Variants in PIK3C3 observed in about 807,000 individuals in gnomAD.
The protein encoded by PIK3C3 is phosphatidylinositol 3-kinase catalytic subunit type 3, also known as PI3-kinase type 3.
Under a neutral mutation model 126.1 loss-of-function variants are expected in PIK3C3, and 95 were observed. That is an observed-to-expected ratio of 0.75 (90% CI 0.64 to 0.89). The LOEUF (loss-of-function observed/expected upper bound fraction) is 0.89, where lower values mean the gene tolerates loss of function less well. PIK3C3 is among the 40% of genes least tolerant of loss of function. PIK3C3 has a pLI of 0.00. For missense variants in PIK3C3, 829 were observed against 1,063.2 expected (o/e 0.78, Z 3.06); for synonymous variants, 374 against 360.0 (o/e 1.04, Z -0.44).
chr18:42,039,199 A>G (rs1024989789), intron 18 of PIK3C3, among the ~76,000 whole-genome samples: 43 of 152,116 alleles, frequency 2.8e-4, no homozygotes, highest in African/African-American at 1.0e-3. Flanking sequence ...AAGATTCCCT[A>G]GGAATGCTTG....
intron 4 of PIK3C3, among the ~76,000 whole-genome samples, chr18:41,973,429 C>G (rs1980765422): frequency 6.6e-6 from 1 of 152,032 alleles, no homozygotes; most frequent in African/African-American, 2.4e-5. Flanking sequence ...AATTTACTCT[C>G]TTACTCTTTA....
At chr18:42,049,753 C>G in intron 21 of PIK3C3, 148 bp downstream of exon 21, 1 of 570,160 alleles carries the variant, frequency 1.8e-6, no homozygotes, top group East Asian at 3.2e-5. Flanking sequence ...GCGGGTGGAT[C>G]ACCTGAGGTT....
At chr18:41,976,345 A>G (rs367620029) in intron 4 of PIK3C3, among the ~76,000 whole-genome samples, 41 of 150,436 alleles carry the variant, frequency 2.7e-4, no homozygotes, top group African/African-American at 1.0e-3. Context: ...TCAAAGGCAC[A>G]CTTCTAAATG....
intron 21 of PIK3C3, among the ~76,000 whole-genome samples, chr18:42,055,270 G>A (rs1234123195): frequency 2.7e-4 from 41 of 151,960 alleles, no homozygotes; most frequent in Admixed American, 2.6e-3. Flanking sequence ...GCTCCTTTTC[G>A]CCTTTATAGA....
chr18:42,076,172 A>G (rs1986014440), intron 24 of PIK3C3, among the ~76,000 whole-genome samples: 1 of 126,256 alleles, frequency 7.9e-6, no homozygotes, highest in African/African-American at 3.4e-5. Context: ...GCACATATAT[A>G]TATATGCACA....
chr18:42,040,018 G>A (rs2144468915), intron 18 of PIK3C3, among the ~76,000 whole-genome samples: 1 of 152,028 alleles, frequency 6.6e-6, no homozygotes, highest in East Asian at 1.9e-4. Flanking sequence ...ACCAGATCAT[G>A]ATAGTTTATG....
rs60161824 is a variant in PIK3C3 at position 41,979,874 on chromosome 18, CATTATTATTATT to C, written c.532-7918_532-7907del. Among the ~76,000 whole-genome samples, 332 of 132,790 alleles carry C rather than the reference CATTATTATTATT, an allele frequency of 2.5e-3. 1 individual carries two copies. Among genetic ancestry groups the C allele is most frequent in the African/African-American group, 8.7e-3 (307 of 35,236 alleles). The allele number at this position is 132,790 out of a possible 152,430, so 87.1% of individuals were successfully genotyped here. ...TCTCTGCTAATTATAGGAATCATGC[CATTATTATTATT>C]ATTATTATTATTATTATTAGCTATT... is the stretch of plus-strand genomic sequence containing the variant. On this transcript the variant is annotated intron_variant, in intron 4 of 24. Transcript: ENST00000262039.
At chr18:42,065,241 T>C (rs1985487150) in intron 23 of PIK3C3, among the ~76,000 whole-genome samples, 1 of 152,096 alleles carries the variant, frequency 6.6e-6, no homozygotes, top group South Asian at 2.1e-4. Context: ...ACAGAAAATG[T>C]GACACTAAGC....
At chr18:42,064,933 C>A (rs1457440676) in intron 23 of PIK3C3, 103 bp downstream of exon 23, 5 of 648,192 alleles carry the variant, frequency 7.7e-6, no homozygotes, top group Non-Finnish European at 1.4e-5. Flanking sequence ...TATCCCCTTC[C>A]TTGTTCCTGC....
rs1378627781 is a variant in PIK3C3, at chr18:41,958,344, A to C, written c.257+586A>C. Among the ~76,000 whole-genome samples the C allele has an allele frequency of 3.3e-5, 5 of 152,124 alleles. No individual in the cohort carries two copies. In the East Asian group the frequency reaches 9.6e-4, roughly 29 times the overall value. On this transcript the variant is annotated intron_variant, in intron 2 of 24. Transcript: ENST00000262039. ...CTGACTTCTTGACACTTCTTATTTGATAGACTATGTAGTGCAGTTCTGATG... is the reference window on the plus strand; with the variant it reads ...CTGACTTCTTGACACTTCTTATTTGCTAGACTATGTAGTGCAGTTCTGATG...
At chr18:41,992,169 T>C (rs1038442156) in intron 6 of PIK3C3, among the ~76,000 whole-genome samples, 1 of 152,184 alleles carries the variant, frequency 6.6e-6, no homozygotes, top group Non-Finnish European at 1.5e-5. Context: ...AATGCCTGTC[T>C]ACCCACCCTG....
At chr18:42,036,316 T>C (rs1984047100) in intron 16 of PIK3C3, among the ~76,000 whole-genome samples, 1 of 152,184 alleles carries the variant, frequency 6.6e-6, no homozygotes, top group Non-Finnish European at 1.5e-5. Context: ...ACTTTAATTC[T>C]GTCATCAACA....
At chr18:42,037,254 C>A (rs1373049257) in intron 16 of PIK3C3, among the ~76,000 whole-genome samples, 1 of 152,032 alleles carries the variant, frequency 6.6e-6, no homozygotes, top group South Asian at 2.1e-4. Flanking sequence ...TTCAGTATAC[C>A]TCTAAAAATA....
chr18:42,062,787 T>G (rs1417453645), intron 22 of PIK3C3, among the ~76,000 whole-genome samples: 6 of 152,052 alleles, frequency 3.9e-5, no homozygotes, highest in African/African-American at 1.2e-4. Context: ...TAAAACGAAA[T>G]TCTTGAATCC....
At position 41,987,804 on chromosome 18, in the gene PIK3C3, T is replaced by C; in HGVS notation, c.532-8T>C. On this transcript the variant is annotated splice_polypyrimidine_tract_variant and splice_region_variant and intron_variant, in intron 4 of 24. Coordinates refer to ENST00000262039, the MANE Select transcript of PIK3C3 (RefSeq NM_002647.4). ...ATTAAAATTTTCGTCATTGTATTTA[T>C]TCTGCAGCTCACCAAAGCTCATCGA... The C allele has an allele frequency of 6.3e-7, 1 of 1,596,946 alleles. No homozygotes were observed. The highest frequency in any genetic ancestry group is 8.6e-7 in the Non-Finnish European group (1 of 1,169,228).
chr18:41,968,817 TG>T (rs1426620711), intron 3 of PIK3C3, among the ~76,000 whole-genome samples: 2 of 150,668 alleles, frequency 1.3e-5, no homozygotes, highest in South Asian at 2.1e-4. Context: ...TTTTTTTTGT[TG>T]TTTTTTTTTT....
chr18:41,980,769 T>C (rs1483919807), intron 4 of PIK3C3, among the ~76,000 whole-genome samples: 4 of 152,116 alleles, frequency 2.6e-5, no homozygotes, highest in African/African-American at 9.7e-5. Flanking sequence ...ATTTAATCAC[T>C]AGGAACAAAA....
In PIK3C3 at chr18:41,972,573, T is replaced by C. The variant is rs192574647; in HGVS notation, c.531+2117T>C. On this transcript the variant is annotated intron_variant, in intron 4 of 24. Transcript: ENST00000262039. Reference sequence around the variant, plus strand: ...CTTTTCCACATTCTTTCATCCCTAATAGAATTGTACTTTTAACTTCTGAAT... The same window carrying C: ...CTTTTCCACATTCTTTCATCCCTAACAGAATTGTACTTTTAACTTCTGAAT... 3.9e-3 allele frequency among the ~76,000 whole-genome samples: 599 copies of C among 152,246 alleles called. 3 individuals carry two copies. The highest frequency in any genetic ancestry group is 0.014 in the African/African-American group (563 of 41,578).
chr18:42,012,208 G>A lies in PIK3C3; in HGVS notation c.1171-1234G>A, dbSNP rs369411724. Among the ~76,000 whole-genome samples, 334 of 151,714 alleles carry A rather than the reference G, an allele frequency of 2.2e-3. 1 individual carries two copies. The highest frequency in any genetic ancestry group is 7.4e-3 in the African/African-American group (308 of 41,374). ...TAAAAAAAAAAAAAAAATGCAATGT[G>A]TGCAAGGTACAATAAAATGAGTTAT... On this transcript the variant is annotated intron_variant, in intron 10 of 24. Coordinates refer to ENST00000262039, the MANE Select transcript of PIK3C3 (RefSeq NM_002647.4).
Sources: allele counts gnomAD v4.1 joint callset (sites outside exome capture counted in the v4.1 genomes callset), GRCh38; gene constraint gnomAD v4.1.1; transcripts MANE v1.5; gene names NCBI Gene and HGNC (gene_info 2026-07-23, HGNC 2026-07-21).